The following IL1RAP variants were observed in gnomAD, a reference collection of about 807,000 sequenced individuals.
IL1RAP encodes the protein interleukin 1 receptor accessory protein.
IL1RAP carries 35 observed loss-of-function variants against 60.7 expected under a neutral mutation model. The observed-to-expected ratio is 0.58, with a 90% CI of 0.44 to 0.76. The LOEUF (loss-of-function observed/expected upper bound fraction) is 0.76. Ranked by LOEUF, IL1RAP falls within the 30% of genes least tolerant of loss-of-function variation. The pLI is 0.00. For missense variants in IL1RAP, 572 were observed against 693.9 expected, an observed-to-expected ratio of 0.82 and a Z score of 1.97; for synonymous variants, 268 against 250.9, an observed-to-expected ratio of 1.07 and a Z score of -0.64.
intron 5 of IL1RAP, among the ~76,000 whole-genome samples, chr3:190,613,873 TG>T (rs1175098886): frequency 6.6e-6 from 1 of 152,060 alleles, no homozygotes; most frequent in Non-Finnish European, 1.5e-5. Flanking sequence ...TTCTCTTATT[TG>T]ATTAAGAAGA....
chr3:190,650,925 C>T lies in IL1RAP; in HGVS notation c.*2220C>T. 4.1e-6 allele frequency: 4 copies of T among 985,270 alleles called. No homozygotes were observed. Among genetic ancestry groups the T allele is most frequent in the Non-Finnish European group, 4.8e-6 (4 of 829,806 alleles). 61.0% of individuals were successfully genotyped at this position (985,270 alleles called of 1,614,324 possible). On this transcript the variant is annotated 3_prime_UTR_variant, in exon 12 of 12. Transcript: ENST00000447382. ...TTGCACTTTTGGATTCCATATTTAT[C>T]CCAAATGCTGTTGGGCACCCCTAGA...
chr3:190,570,251 A>C lies in IL1RAP; in HGVS notation c.64+5898A>C, dbSNP rs934916569. On this transcript the variant is annotated intron_variant, in intron 3 of 11. Transcript: ENST00000447382. ...CTGCTATCCAAACCTATAAAAGCTGATGTACAAAATTTTCTGGCTTTGCCT... is the reference window on the plus strand; with the variant it reads ...CTGCTATCCAAACCTATAAAAGCTGCTGTACAAAATTTTCTGGCTTTGCCT... Among the ~76,000 whole-genome samples the C allele has an allele frequency of 5.3e-5, 8 of 152,328 alleles. No homozygotes were observed. In the East Asian group the frequency reaches 1.5e-3, roughly 29 times the overall value.
At chr3:190,530,001 C>G (rs1027387947) in intron 1 of IL1RAP, among the ~76,000 whole-genome samples, 1 of 152,136 alleles carries the variant, frequency 6.6e-6, no homozygotes, top group African/African-American at 2.4e-5. Context: ...GAATAAAGTT[C>G]TCTATGGGCA....
chr3:190,577,444 A>G (rs1231455804), intron 3 of IL1RAP, among the ~76,000 whole-genome samples: 1 of 152,190 alleles, frequency 6.6e-6, no homozygotes, highest in Admixed American at 6.5e-5. Context: ...TGGTAAACCG[A>G]TGCTAGAAAT....
At chr3:190,624,541 A>G (rs1485126571) in intron 7 of IL1RAP, 1 of 152,302 alleles carries the variant, frequency 6.6e-6, no homozygotes, top group Non-Finnish European at 1.5e-5. Context: ...AGAGGTATAA[A>G]AGAGCATCTG....
chr3:190,631,614 A>G (rs573292831), intron 9 of IL1RAP, among the ~76,000 whole-genome samples: 1 of 152,214 alleles, frequency 6.6e-6, no homozygotes, highest in East Asian at 1.9e-4. Context: ...GTATGGGACT[A>G]CTCTAAATTT....
intron 9 of IL1RAP, among the ~76,000 whole-genome samples, chr3:190,633,442 C>T (rs960642686): frequency 8.6e-5 from 13 of 151,972 alleles, no homozygotes; most frequent in African/African-American, 3.1e-4. Context: ...CTGCAATCTC[C>T]ACCTCCTGAG....
intron 7 of IL1RAP, among the ~76,000 whole-genome samples, chr3:190,626,664 C>CTTTTTTT (rs766018376): frequency 3.0e-5 from 3 of 99,990 alleles, no homozygotes; most frequent in Non-Finnish European, 3.8e-5. Flanking sequence ...TGTCAGAGAC[C>CTTTTTTT]TTTTTTTTTT....
At chr3:190,574,892 A>G (rs933427272) in intron 3 of IL1RAP, among the ~76,000 whole-genome samples, 5 of 152,208 alleles carry the variant, frequency 3.3e-5, no homozygotes, top group Admixed American at 3.3e-4. Context: ...TAACCAATCC[A>G]TATTCATACA....
intron 3 of IL1RAP, among the ~76,000 whole-genome samples, chr3:190,568,100 A>C (rs1726578703): frequency 6.6e-6 from 1 of 152,224 alleles, no homozygotes; most frequent in Admixed American, 6.5e-5. Context: ...GACAAATCAC[A>C]TGAAAAAGAG....
At chr3:190,555,412 CAT>C (rs1265321778) in intron 1 of IL1RAP, among the ~76,000 whole-genome samples, 1 of 152,070 alleles carries the variant, frequency 6.6e-6, no homozygotes, top group African/African-American at 2.4e-5. Flanking sequence ...AGAAGAGAAA[CAT>C]ATAATCTCAA....
intron 5 of IL1RAP, among the ~76,000 whole-genome samples, chr3:190,619,130 A>T (rs1731534773): frequency 6.6e-6 from 1 of 152,242 alleles, no homozygotes; most frequent in Admixed American, 6.5e-5. Context: ...GATATTTAAA[A>T]GAAAAACAAA....
Position 190,648,394 on chromosome 3 carries a change from C to T in IL1RAP, c.1402C>T (p.Leu468=). The T allele has an allele frequency of 1.2e-6, 2 of 1,612,490 alleles. No homozygotes were observed. Among genetic ancestry groups the T allele is most frequent in the Non-Finnish European group, 1.7e-6 (2 of 1,179,534 alleles). The change falls in exon 12 of 12, where the codon CTA becomes TTA. Residue 468 remains leucine (L), a synonymous_variant. Transcript: ENST00000447382. The stretch of plus-strand genomic sequence containing the variant: ...GAAAAGCAGACGCCTCCTGGTTGTT[C>T]TAAGCCCCAACTACGTGCTCCAGGG... The part of the protein sequence containing the change: ...IQKSRRLLVV[L]SPNYVLQGTQ...
chr3:190,622,163 C>T lies in IL1RAP; in HGVS notation c.704-1181C>T, dbSNP rs75555226. On this transcript the variant is annotated intron_variant, in intron 6 of 11. Coordinates refer to ENST00000447382, the MANE Select transcript of IL1RAP (RefSeq NM_002182.4). Reference sequence around the variant, plus strand: ...GAAACAACTGACTAAGGCATGAAAGCAATTAGGTATTATGCAACATAAGAC... The same window carrying T: ...GAAACAACTGACTAAGGCATGAAAGTAATTAGGTATTATGCAACATAAGAC... Among the ~76,000 whole-genome samples, 122 of 152,272 alleles carry T rather than the reference C, an allele frequency of 8.0e-4. 1 individual carries two copies. The East Asian group carries it at 0.015, about 19-fold the overall frequency.
exon 12 of IL1RAP, chr3:190,659,207 G>A (rs1462558389): frequency 6.6e-6 from 1 of 152,122 alleles, no homozygotes; most frequent in Non-Finnish European, 1.5e-5. Context: ...CTGTTTTAGT[G>A]AAGACAAAGA....
chr3:190,522,289 G>GCTTCCTTT (rs1553824622), intron 1 of IL1RAP, among the ~76,000 whole-genome samples: 1 of 135,364 alleles, frequency 7.4e-6, no homozygotes, highest in Non-Finnish European at 1.6e-5. Context: ...GCCTTCCTTT[G>GCTTCCTTT]CTTCCTTCCT....
chr3:190,644,454 T>A, intron 10 of IL1RAP, 57 bp downstream of exon 10: 2 of 1,332,376 alleles, frequency 1.5e-6, no homozygotes, highest in African/African-American at 1.5e-5. Flanking sequence ...GAACATATGT[T>A]GTAAAAAAAA....
chr3:190,516,608 G>A (rs909230401), intron 1 of IL1RAP, among the ~76,000 whole-genome samples: 2 of 152,172 alleles, frequency 1.3e-5, no homozygotes, highest in African/African-American at 4.8e-5. Flanking sequence ...AGAGGAAGGA[G>A]CCCAGGTTTT....
chr3:190,659,548 C>T (rs2108878485), exon 12 of IL1RAP: 1 of 152,076 alleles, frequency 6.6e-6, no homozygotes, highest in East Asian at 1.9e-4. Flanking sequence ...TTTTCATGGG[C>T]CATGCATATC....
Sources: gnomAD v4.1 joint callset for allele counts (sites outside exome capture counted in the v4.1 genomes callset) on GRCh38, gnomAD v4.1.1 for gene constraint, MANE v1.5 for transcripts, NCBI Gene and HGNC (gene_info 2026-07-23, HGNC 2026-07-21) for gene names.